APOBEC3G: variants seen among roughly 807,000 people sequenced by gnomAD.
APOBEC3G encodes DNA dC->dU-editing enzyme APOBEC-3G.
APOBEC3G carries 44 observed loss-of-function variants against 50.0 expected under a neutral mutation model. The observed-to-expected ratio is 0.88, with a 90% CI of 0.69 to 1.13. The LOEUF (loss-of-function observed/expected upper bound fraction) is 1.13, where lower values mean the gene tolerates loss of function less well. APOBEC3G is among the 50% of genes most tolerant of loss of function. The pLI is 0.00. For synonymous variants in APOBEC3G, 156 were observed against 175.3 expected (o/e 0.89, Z 0.87); for missense variants, 469 against 492.0 (o/e 0.95, Z 0.44).
chr22:39,081,343 G>A (rs1858951906), intron 3 of APOBEC3G, 116 bp downstream of exon 3: 1 of 1,542,852 alleles, frequency 6.5e-7, no homozygotes. Context: ...GTGTCCCAGG[G>A]GAGCCTGTGG....
At chr22:39,077,513 C>G in intron 1 of APOBEC3G, 135 bp downstream of exon 1, 1 of 1,464,144 alleles carries the variant, frequency 6.8e-7, no homozygotes, top group Non-Finnish European at 9.2e-7. Flanking sequence ...CCCCTGCACC[C>G]CCTACTCCCA....
At chr22:39,077,144 G>A, upstream of APOBEC3G, 1 of 664,340 alleles carries the variant, frequency 1.5e-6, no homozygotes, top group Non-Finnish European at 2.5e-6. Context: ...CCAGGGGGAG[G>A]GCCCCAGAGA....
At chr22:39,081,791 G>T (rs1439689864) in intron 4 of APOBEC3G, 3 of 532,714 alleles carry the variant, frequency 5.6e-6, no homozygotes, top group Non-Finnish European at 1.0e-5. Flanking sequence ...TGCTTTCCTG[G>T]GCCCTTCCTG....
intron 5 of APOBEC3G, among the ~76,000 whole-genome samples, chr22:39,085,384 T>A (rs1400303662): frequency 6.6e-6 from 1 of 151,962 alleles, no homozygotes; most frequent in Admixed American, 6.5e-5. Context: ...AATTGACGGG[T>A]AGACAGGTCA....
Position 39,086,483 on chromosome 22 carries a change from A to T in APOBEC3G, c.940A>T (p.Ile314Phe). 6.2e-7 allele frequency: 1 copy of T among 1,614,158 alleles called. No homozygotes were observed. The highest frequency in any genetic ancestry group is 8.5e-7 in the Non-Finnish European group (1 of 1,180,020). ...HVSLCIFTAR[I>F]YDDQGRCQEG... ...GAGCCTGTGCATCTTCACTGCCCGCATCTATGATGATCAAGGAAGATGTCA... is the reference window on the plus strand; with the variant it reads ...GAGCCTGTGCATCTTCACTGCCCGCTTCTATGATGATCAAGGAAGATGTCA... Residue 314 changes from isoleucine (I) to phenylalanine (F), a missense_variant, in exon 6 of 8, where the codon ATC becomes TTC. Transcript: ENST00000407997.
intron 2 of APOBEC3G, chr22:39,080,140 A>ACC (rs112654185): frequency 2.2e-5 from 9 of 414,840 alleles, no homozygotes; most frequent in Admixed American, 2.0e-4. Context: ...TGGCCATGTC[A>ACC]CCCCCCCCGA....
chr22:39,081,781 T>A (rs1928473510), intron 4 of APOBEC3G, 196 bp downstream of exon 4: 1 of 544,886 alleles, frequency 1.8e-6, no homozygotes, highest in Non-Finnish European at 3.3e-6. Flanking sequence ...GCCTCCCACC[T>A]GCTTTCCTGG....
chr22:39,080,179 C>A, intron 2 of APOBEC3G: 1 of 713,404 alleles, frequency 1.4e-6, no homozygotes, highest in South Asian at 5.8e-5. Flanking sequence ...AGTGGGCTCC[C>A]CACTGACTGC....
chr22:39,078,300 A>G (rs1435711971), intron 1 of APOBEC3G, among the ~76,000 whole-genome samples: 2 of 152,198 alleles, frequency 1.3e-5, no homozygotes, highest in African/African-American at 4.8e-5. Flanking sequence ...AACATGGAAT[A>G]TATGGGAAAA....
rs776777572 is a variant in APOBEC3G, at chr22:39,086,999, G to A, written c.1025-12G>A. ...AGCGGGAGTGTGACTTATCTCCCCT[G>A]TCCCTTTTCAGAATTTAAGCACTGC... On this transcript the variant is annotated splice_polypyrimidine_tract_variant and intron_variant, in intron 6 of 7. Coordinates refer to ENST00000407997, the MANE Select transcript of APOBEC3G (RefSeq NM_021822.4). The A allele has an allele frequency of 1.9e-6, 3 of 1,595,790 alleles. No individual in the cohort carries two copies. In the African/African-American group the frequency reaches 4.0e-5, roughly 21 times the overall value.
chr22:39,079,718 G>A (rs1397403871), intron 2 of APOBEC3G: 1 of 151,944 alleles, frequency 6.6e-6, no homozygotes, highest in African/African-American at 2.4e-5. Context: ...TCTTTTTCTT[G>A]TCACACCGAG....
intron 3 of APOBEC3G, 114 bp downstream of exon 3, chr22:39,081,341 G>A (rs1226073620): frequency 1.3e-6 from 2 of 1,547,764 alleles, no homozygotes; most frequent in Non-Finnish European, 1.7e-6. Flanking sequence ...AAGTGTCCCA[G>A]GGGAGCCTGT....
At chr22:39,083,537 C>T (rs1382445617) in intron 4 of APOBEC3G, among the ~76,000 whole-genome samples, 194 bp from the exon 5 acceptor site, 1 of 152,178 alleles carries the variant, frequency 6.6e-6, no homozygotes, top group Admixed American at 6.5e-5. Context: ...CAGTGAGCCC[C>T]AGAAGGGGTC....
chr22:39,078,142 G>A (rs1217508831), intron 1 of APOBEC3G, among the ~76,000 whole-genome samples: 3 of 152,034 alleles, frequency 2.0e-5, no homozygotes, highest in Non-Finnish European at 4.4e-5. Context: ...GCCTGTAATC[G>A]CAGCTACTTG....
In APOBEC3G at chr22:39,087,582, A is replaced by G; in HGVS notation, c.*161A>G. 2 of 1,332,030 alleles carry G rather than the reference A, an allele frequency of 1.5e-6. No individual in the cohort carries two copies. The allele number at this position is 1,332,030 out of a possible 1,614,324, so 82.5% of individuals were successfully genotyped here. A position where few individuals can be genotyped will look rare whatever the true frequency, so the allele number is the denominator to read the frequency against. ...CCTGACCAAGTAGATTCTTTTAAAA[A>G]TTAGAGTGCATTACTTTGAATCAAA... On this transcript the variant is annotated 3_prime_UTR_variant, in exon 8 of 8. Coordinates refer to ENST00000407997, the MANE Select transcript of APOBEC3G (RefSeq NM_021822.4).
chr22:39,081,191 G>C lies in APOBEC3G; in HGVS notation c.430G>C (p.Gly144Arg). The change falls in exon 3 of 8, where the codon GGT becomes CGT. Residue 144 changes from glycine (G) to arginine (R), a missense_variant. Transcript: ENST00000407997. ...TCGCAGCCTGTGTCAGAAAAGAGAC[G>C]GTCCGCGTGCCACCATGAAGATCAT... ...ALRSLCQKRD[G>R]PRATMKIMNY... 6.2e-7 allele frequency: 1 copy of C among 1,614,198 alleles called. No individual in the cohort carries two copies. The highest frequency in any genetic ancestry group is 8.5e-7 in the Non-Finnish European group (1 of 1,180,030).
chr22:39,079,241 C>T lies in APOBEC3G; in HGVS notation c.171+156C>T, dbSNP rs559740607. On this transcript the variant is annotated intron_variant, in intron 2 of 7. Transcript: ENST00000407997. ...CGTGGCCCTGACCTTCCTGCTGGACCGTCCTGGGATCGGATCGTGGAGGGG... is the reference window on the plus strand; with the variant it reads ...CGTGGCCCTGACCTTCCTGCTGGACTGTCCTGGGATCGGATCGTGGAGGGG... The T allele has an allele frequency of 6.1e-5, 66 of 1,075,168 alleles. No homozygotes were observed. The Middle Eastern group carries it at 7.0e-4, about 11-fold the overall frequency. 66.6% of individuals were successfully genotyped at this position (1,075,168 alleles called of 1,614,324 possible).
intron 3 of APOBEC3G, 73 bp from the exon 4 acceptor site, chr22:39,081,398 G>A (rs934620501): frequency 6.5e-7 from 1 of 1,541,302 alleles, no homozygotes; most frequent in Non-Finnish European, 8.9e-7. Context: ...GAATATGTCT[G>A]GGAGGGGAGG....
intron 5 of APOBEC3G, among the ~76,000 whole-genome samples, chr22:39,084,850 G>A (rs1034986704): frequency 1.3e-5 from 2 of 152,266 alleles, no homozygotes; most frequent in African/African-American, 4.8e-5. Flanking sequence ...CCCGAGGGAC[G>A]TTCTTCCCTC....
Sources: gnomAD v4.1 joint callset for allele counts (sites outside exome capture counted in the v4.1 genomes callset) on GRCh38, gnomAD v4.1.1 for gene constraint, MANE v1.5 for transcripts, NCBI Gene and HGNC (gene_info 2026-07-23, HGNC 2026-07-21) for gene names.